Variants in LAYN observed in about 807,000 individuals in gnomAD.
The protein encoded by LAYN is layilin.
Under a neutral mutation model 43.6 loss-of-function variants are expected in LAYN, and 38 were observed. The ratio of observed to expected loss-of-function variants is 0.87; its 90% CI spans 0.67 to 1.14. The LOEUF (loss-of-function observed/expected upper bound fraction) is 1.14. Ranked by LOEUF, LAYN falls within the 50% of genes most tolerant of loss-of-function variation. The pLI, the probability that LAYN is intolerant of heterozygous loss-of-function variation, is 0.00. For synonymous variants in LAYN, 168 were observed against 172.9 expected, an observed-to-expected ratio of 0.97 and a Z score of 0.22; for missense variants, 479 against 463.8, an observed-to-expected ratio of 1.03 and a Z score of -0.30.
chr11:111,553,715 TACAC>T lies in LAYN; in HGVS notation c.542-811_542-808del, dbSNP rs60878342. On this transcript the variant is annotated intron_variant, in intron 3 of 6. Coordinates refer to ENST00000375614, the MANE Select transcript of LAYN (RefSeq NM_178834.5). ...TAAATAAATGGATTTACATCACCTATACACACACACACACACACACACACACACA... is the reference window on the plus strand; with the variant it reads ...TAAATAAATGGATTTACATCACCTATACACACACACACACACACACACACA... 8.9e-3 allele frequency among the ~76,000 whole-genome samples: 1,244 copies of T among 140,448 alleles called. 6 individuals carry two copies. Among genetic ancestry groups the T allele is most frequent in the Non-Finnish European group, 0.01 (666 of 65,078 alleles). The allele number at this position is 140,448 out of a possible 152,430, so 92.1% of individuals were successfully genotyped here.
intron 1 of LAYN, among the ~76,000 whole-genome samples, chr11:111,543,549 C>A (rs1350311701): frequency 6.6e-6 from 1 of 152,212 alleles, no homozygotes; most frequent in Non-Finnish European, 1.5e-5. Flanking sequence ...AGAGACACCC[C>A]CTTTAAGCCA....
In LAYN at chr11:111,544,162, A is replaced by T; in HGVS notation, c.325A>T (p.Asn109Tyr). ...CAGGAGGCGTGAGGAGAAACAAAGC[A>T]ATAGCACAGCCTGCCAGGACCTTTA... ...GLRRREEKQS[N>Y]STACQDLYAW... is the part of the protein sequence containing the mutation. The change falls in exon 2 of 7, where the codon AAT (asparagine) becomes TAT (tyrosine). Residue 109 changes from asparagine to tyrosine, a missense_variant. Transcript: ENST00000375614. 6.2e-7 allele frequency: 1 copy of T among 1,614,198 alleles called. No individual in the cohort carries two copies. Among genetic ancestry groups the T allele is most frequent in the Non-Finnish European group, 8.5e-7 (1 of 1,180,042 alleles).
rs1261285862 is a variant in LAYN, at chr11:111,540,882, C to T, written c.39C>T (p.Ala13=). The T allele has an allele frequency of 5.7e-5, 88 of 1,532,216 alleles. No homozygotes were observed. The highest frequency in any genetic ancestry group is 7.3e-5 in the Non-Finnish European group (84 of 1,145,646). 94.9% of individuals were successfully genotyped at this position (1,532,216 alleles called of 1,614,324 possible). A position where few individuals can be genotyped will look rare whatever the true frequency, so the allele number is the denominator to read the frequency against. Residue 13 remains alanine (A), a synonymous_variant, in exon 1 of 7, where the codon GCC becomes GCT. Coordinates refer to ENST00000375614, the MANE Select transcript of LAYN (RefSeq NM_178834.5). ...CCGCGCTACAGGCCGTGCTGCTGGC[C>T]GTGCTGCTGGTGGGGCTGCGGGCCG... ...PGTALQAVLL[A]VLLVGLRAAT... is the part of the protein sequence containing the mutation.
chr11:111,561,702 G>A lies in LAYN; in HGVS notation c.*1244G>A, dbSNP rs1029880101. ...TCCTCATATGTCTTATTTTTTAATA[G>A]CTCAGCAACTTTGCTTCACATATGG... is the stretch of plus-strand genomic sequence containing the variant. On this transcript the variant is annotated 3_prime_UTR_variant, in exon 7 of 7. Transcript: ENST00000375614. 6.6e-6 allele frequency: 1 copy of A among 152,042 alleles called. No individual in the cohort carries two copies. The highest frequency in any genetic ancestry group is 6.5e-5 in the Admixed American group (1 of 15,268). 9.4% of individuals were successfully genotyped at this position (152,042 alleles called of 1,614,324 possible).
chr11:111,554,250 T>G (rs952907606), intron 3 of LAYN, among the ~76,000 whole-genome samples: 1 of 152,252 alleles, frequency 6.6e-6, no homozygotes, highest in African/African-American at 2.4e-5. Context: ...TGAAGCTGCA[T>G]GACGATACAC....
At chr11:111,546,396 G>A (rs1207166698) in intron 2 of LAYN, among the ~76,000 whole-genome samples, 2 of 152,126 alleles carry the variant, frequency 1.3e-5, no homozygotes, top group African/African-American at 4.8e-5. Context: ...TTAACTAGAT[G>A]TACCAACTAA....
chr11:111,544,622 C>G (rs1235580319), intron 2 of LAYN, among the ~76,000 whole-genome samples: 1 of 152,112 alleles, frequency 6.6e-6, no homozygotes, highest in Non-Finnish European at 1.5e-5. Context: ...AGATCTAACT[C>G]TGTGGATTGG....
In LAYN at chr11:111,544,771, A is replaced by T. The variant is rs183014068; in HGVS notation, c.383+551A>T. ...AAGAAATGCAATGACATAGACAAAC[A>T]TTTAAAAAATATCAAAATTAAAAGA... On this transcript the variant is annotated intron_variant, in intron 2 of 6. Coordinates refer to ENST00000375614, the MANE Select transcript of LAYN (RefSeq NM_178834.5). Among the ~76,000 whole-genome samples the T allele has an allele frequency of 9.8e-5, 15 of 152,306 alleles. No individual in the cohort carries two copies. In the East Asian group the frequency reaches 2.7e-3, roughly 27 times the overall value.
chr11:111,543,892 A>C (rs750693804), intron 1 of LAYN, 31 bp from the exon 2 acceptor site: 2 of 1,578,018 alleles, frequency 1.3e-6, no homozygotes, highest in East Asian at 4.5e-5. Flanking sequence ...TTTTTGAGAC[A>C]CTGAAATAGA....
At position 111,560,445 on chromosome 11, in the gene LAYN, T is replaced by C. The variant is rs1205249916; in HGVS notation, c.1112T>C (p.Ile371Thr). 1 of 1,613,102 alleles carries C rather than the reference T, an allele frequency of 6.2e-7. No homozygotes were observed. The highest frequency in any genetic ancestry group is 1.7e-5 in the Admixed American group (1 of 59,892). Residue 371 changes from isoleucine to threonine, a missense_variant, in exon 7 of 7, where the codon ATA (isoleucine) becomes ACA (threonine). Transcript: ENST00000375614. ...GAGTCTGGATGGGTGGAAAATGAAA[T>C]ATATGGTTATTAGGACATATAAAAA... is the stretch of plus-strand genomic sequence containing the variant. ...SKESGWVENE[I>T]YGY
Position 111,560,237 on chromosome 11 carries a change from C to T in LAYN, c.904C>T (p.Leu302=). 6.2e-7 allele frequency: 1 copy of T among 1,614,170 alleles called. No individual in the cohort carries two copies. The highest frequency in any genetic ancestry group is 8.5e-7 in the Non-Finnish European group (1 of 1,180,034). Reference sequence around the variant, plus strand: ...TGACTTAGCTGAGACCCGGCCAGACCTGAAGAATATTTCATTCCGAGTGTG... The same window carrying T: ...TGACTTAGCTGAGACCCGGCCAGACTTGAAGAATATTTCATTCCGAGTGTG... ...EADLAETRPD[L]KNISFRVCSG... is the part of the protein sequence containing the mutation. The change falls in exon 7 of 7, where the codon CTG becomes TTG. Residue 302 remains leucine, a synonymous_variant. Transcript: ENST00000375614.
chr11:111,555,375 C>G, intron 5 of LAYN, 85 bp downstream of exon 5: 1 of 958,188 alleles, frequency 1.0e-6, no homozygotes, highest in Non-Finnish European at 1.6e-6. Context: ...CTACTTTGTT[C>G]TTTCCCACAG....
intron 2 of LAYN, 26 bp from the exon 3 acceptor site, chr11:111,549,592 C>A: frequency 6.6e-7 from 1 of 1,504,244 alleles, no homozygotes; most frequent in Non-Finnish European, 8.8e-7. Context: ...CTCCAGTTGC[C>A]TCTACTGCTG....
chr11:111,540,805 G>C lies in LAYN; in HGVS notation c.-39G>C. The C allele has an allele frequency of 6.6e-7, 1 of 1,508,908 alleles. No individual in the cohort carries two copies. Among genetic ancestry groups the C allele is most frequent in the Non-Finnish European group, 8.8e-7 (1 of 1,134,790 alleles). The allele number at this position is 1,508,908 out of a possible 1,614,324, so 93.5% of individuals were successfully genotyped here. On this transcript the variant is annotated 5_prime_UTR_variant, in exon 1 of 7. Transcript: ENST00000375614. ...CTGCCCGCCAGCCCGCTCCACCGCC[G>C]TAGCGCCCGAGTGTCGGGGGGCGCA...
chr11:111,560,172 A>G lies in LAYN; in HGVS notation c.839A>G (p.Asp280Gly), dbSNP rs1465948792. 4 of 1,614,102 alleles carry G rather than the reference A, an allele frequency of 2.5e-6. No individual in the cohort carries two copies. The highest frequency in any genetic ancestry group is 3.4e-6 in the Non-Finnish European group (4 of 1,180,046). Residue 280 changes from aspartate (D) to glycine (G), a missense_variant, in exon 7 of 7, where the codon GAC becomes GGC. Physicochemically the swap from Asp to Gly is moderately conservative, Grantham distance 94 (BLOSUM62 -1). Transcript: ENST00000375614. ...TCTCCTCACCAGGGAAACAGCCCGGACCTAGAGGTCTACAATGTCATAAGA... is the reference window on the plus strand; with the variant it reads ...TCTCCTCACCAGGGAAACAGCCCGGGCCTAGAGGTCTACAATGTCATAAGA... ...WPSPHQGNSP[D>G]LEVYNVIRKQ...
intron 5 of LAYN, 95 bp downstream of exon 5, chr11:111,555,385 G>A (rs1867819134): frequency 9.2e-6 from 8 of 869,682 alleles, no homozygotes; most frequent in Admixed American, 2.3e-5. Flanking sequence ...CTTTCCCACA[G>A]CTACCTAAAA....
chr11:111,559,318 A>G (rs1867903459), intron 6 of LAYN, among the ~76,000 whole-genome samples: 4 of 152,154 alleles, frequency 2.6e-5, no homozygotes. Flanking sequence ...AAACATCTAT[A>G]ATTTCTAGTA....
rs967508869 is a variant in LAYN, at chr11:111,544,092, C to A, written c.255C>A (p.Phe85Leu). 3.7e-6 allele frequency: 6 copies of A among 1,614,062 alleles called. No individual in the cohort carries two copies. In the African/African-American group the frequency reaches 8.0e-5, roughly 22 times the overall value. ...SEDEQKLIEK[F>L]IENLLPSDGD... Reference sequence around the variant, plus strand: ...ATGAACAGAAACTGATAGAAAAGTTCATTGAAAACCTCTTGCCATCTGATG... The same window carrying A: ...ATGAACAGAAACTGATAGAAAAGTTAATTGAAAACCTCTTGCCATCTGATG... Residue 85 changes from phenylalanine to leucine, a missense_variant, in exon 2 of 7, where the codon TTC (phenylalanine) becomes TTA (leucine). By Grantham distance (22) the Phe-to-Leu change is conservative. Coordinates refer to ENST00000375614, the MANE Select transcript of LAYN (RefSeq NM_178834.5).
At chr11:111,553,059 T>C (rs1867770236) in intron 3 of LAYN, among the ~76,000 whole-genome samples, 1 of 151,882 alleles carries the variant, frequency 6.6e-6, no homozygotes, top group South Asian at 2.1e-4. Context: ...TGGCTAACAC[T>C]GTGAAACCCC....
Sources: gnomAD v4.1 joint callset for allele counts (sites outside exome capture counted in the v4.1 genomes callset) on GRCh38, gnomAD v4.1.1 for gene constraint, MANE v1.5 for transcripts, NCBI Gene and HGNC (gene_info 2026-07-23, HGNC 2026-07-21) for gene names.